Variants in SAMSN1 observed in about 807,000 individuals in gnomAD.
The protein encoded by SAMSN1 is SAM domain-containing protein SAMSN-1.
A neutral mutation model predicts 42.0 loss-of-function variants in SAMSN1; 31 were observed. The observed-to-expected ratio is 0.74, with a 90% CI of 0.55 to 1.00. The LOEUF is 1.00. SAMSN1 is among the 50% of genes least tolerant of loss of function. The pLI, the probability that SAMSN1 is intolerant of heterozygous loss-of-function variation, is 0.00. For synonymous variants in SAMSN1, 178 were observed against 151.9 expected (o/e 1.17, Z -1.26); for missense variants, 464 against 439.4 (o/e 1.06, Z -0.50).
At chr21:14,584,377 A>G (rs1981854344), upstream of SAMSN1, among the ~76,000 whole-genome samples, 1 of 152,224 alleles carries the variant, frequency 6.6e-6, no homozygotes, top group East Asian at 1.9e-4. Flanking sequence ...ATCATGTTTT[A>G]GAATATGTGT....
At chr21:14,537,590 CTTTTGAAA>C (rs1979712114) in intron 1 of SAMSN1, among the ~76,000 whole-genome samples, 1 of 152,124 alleles carries the variant, frequency 6.6e-6, no homozygotes, top group Non-Finnish European at 1.5e-5. Context: ...ACTTTTAAGT[CTTTTGAAA>C]AGTAGAAAAA....
At chr21:14,533,585 T>C (rs1979404102) in intron 1 of SAMSN1, among the ~76,000 whole-genome samples, 1 of 152,156 alleles carries the variant, frequency 6.6e-6, no homozygotes, top group Admixed American at 6.5e-5. Flanking sequence ...TCAACAAGTA[T>C]GGGAACTTTA....
Position 14,498,924 on chromosome 21 carries a change from A to G in SAMSN1, c.769-332T>C, listed in dbSNP as rs144336477. Among the ~76,000 whole-genome samples the G allele has an allele frequency of 2.1e-3, 319 of 152,362 alleles. 2 individuals carry two copies. Among genetic ancestry groups the G allele is most frequent in the African/African-American group, 5.6e-3 (235 of 41,594 alleles). Reference sequence around the variant, plus strand: ...CTCAACTAACTAAATTGACAGAACTAGCATTACTTTAAGTCTATCAATAAA... The same window carrying G: ...CTCAACTAACTAAATTGACAGAACTGGCATTACTTTAAGTCTATCAATAAA... On this transcript the variant is annotated intron_variant, in intron 6 of 7. Coordinates refer to ENST00000400566, the MANE Select transcript of SAMSN1 (RefSeq NM_022136.5).
At chr21:14,647,143 C>T (rs1983730462) in intron 1 of SAMSN1, among the ~76,000 whole-genome samples, 1 of 152,114 alleles carries the variant, frequency 6.6e-6, no homozygotes. Context: ...AATGAAAAAA[C>T]ATAACCCATC....
chr21:14,509,738 C>G (rs1987593109), intron 5 of SAMSN1, among the ~76,000 whole-genome samples: 1 of 152,110 alleles, frequency 6.6e-6, no homozygotes, highest in Non-Finnish European at 1.5e-5. Context: ...GGAGAGAATT[C>G]CTTCCTCCCT....
At chr21:14,583,043 A>G (rs1981801093) in intron 1 of SAMSN1, among the ~76,000 whole-genome samples, 1 of 152,188 alleles carries the variant, frequency 6.6e-6, no homozygotes, top group African/African-American at 2.4e-5. Flanking sequence ...AAAAACAAGA[A>G]CGACAAAAAT....
chr21:14,517,923 G>T (rs1218363974), intron 2 of SAMSN1, among the ~76,000 whole-genome samples: 1 of 152,072 alleles, frequency 6.6e-6, no homozygotes. Flanking sequence ...TAGATCAGTG[G>T]TTCTCAAAAT....
chr21:14,503,422 T>G (rs541569534), intron 5 of SAMSN1, among the ~76,000 whole-genome samples: 12 of 152,274 alleles, frequency 7.9e-5, no homozygotes. Context: ...CAAAAGCCAG[T>G]GAACTCAGAA....
At chr21:14,525,336 C>G (rs1978773368) in intron 1 of SAMSN1, among the ~76,000 whole-genome samples, 1 of 152,094 alleles carries the variant, frequency 6.6e-6, no homozygotes, top group Non-Finnish European at 1.5e-5. Context: ...AAAAAAGAGA[C>G]AGAAGAGCAT....
chr21:14,645,320 A>T (rs1324150248), intron 1 of SAMSN1, among the ~76,000 whole-genome samples: 1 of 152,214 alleles, frequency 6.6e-6, no homozygotes, highest in Non-Finnish European at 1.5e-5. Flanking sequence ...TAACACAGAG[A>T]GAGACTCTGT....
intron 2 of SAMSN1, among the ~76,000 whole-genome samples, chr21:14,553,388 T>A (rs1218869770): frequency 6.6e-6 from 1 of 152,186 alleles, no homozygotes; most frequent in Non-Finnish European, 1.5e-5. Context: ...TTATTTCAAG[T>A]GATTTGTTTC....
chr21:14,650,621 G>A (rs1411507355), intron 1 of SAMSN1, among the ~76,000 whole-genome samples: 1 of 151,626 alleles, frequency 6.6e-6, no homozygotes, highest in Non-Finnish European at 1.5e-5. Context: ...TGCATCCTAA[G>A]GAACTAGAAA....
intron 1 of SAMSN1, among the ~76,000 whole-genome samples, chr21:14,534,155 C>T (rs930563456): frequency 1.3e-5 from 2 of 152,210 alleles, no homozygotes; most frequent in Admixed American, 6.5e-5. Flanking sequence ...AAACTATCTT[C>T]TGGAGTAGAC....
At chr21:14,617,015 AT>A (rs555262997) in intron 2 of SAMSN1, among the ~76,000 whole-genome samples, 14 of 152,234 alleles carry the variant, frequency 9.2e-5, no homozygotes, top group African/African-American at 2.9e-4. Context: ...GACAATTTGA[AT>A]TTTTTATTTT....
At chr21:14,528,733 C>CA (rs1160627461) in intron 1 of SAMSN1, among the ~76,000 whole-genome samples, 3 of 152,156 alleles carry the variant, frequency 2.0e-5, no homozygotes, top group Non-Finnish European at 4.4e-5. Context: ...ACCAATGCAA[C>CA]AACTTTCAGA....
chr21:14,575,442 C>G (rs1344674906), intron 2 of SAMSN1, among the ~76,000 whole-genome samples: 2 of 152,140 alleles, frequency 1.3e-5, no homozygotes, highest in African/African-American at 4.8e-5. Flanking sequence ...TCAAAATTCT[C>G]AGTCCAGATT....
chr21:14,645,997 G>A (rs879733247), intron 1 of SAMSN1, among the ~76,000 whole-genome samples: 13 of 152,022 alleles, frequency 8.6e-5, no homozygotes, highest in African/African-American at 2.7e-4. Flanking sequence ...AAAAAACAAC[G>A]TAGCGCAACT....
chr21:14,619,036 A>G (rs866125622), intron 2 of SAMSN1, among the ~76,000 whole-genome samples: 2 of 152,234 alleles, frequency 1.3e-5, no homozygotes, highest in Admixed American at 6.5e-5. Flanking sequence ...TTTTAAGGTA[A>G]ATGAGGGTAG....
At chr21:14,585,220 A>T (rs1219574506), upstream of SAMSN1, 1 of 151,766 alleles carries the variant, frequency 6.6e-6, no homozygotes, top group Non-Finnish European at 1.5e-5. Context: ...GTGCTTTCTG[A>T]GTTACTTGAT....
Sources: gnomAD v4.1 joint callset for allele counts (sites outside exome capture counted in the v4.1 genomes callset) on GRCh38, gnomAD v4.1.1 for gene constraint, MANE v1.5 for transcripts, NCBI Gene and HGNC (gene_info 2026-07-23, HGNC 2026-07-21) for gene names.